The following KIF26B variants were observed in gnomAD, a reference collection of about 807,000 sequenced individuals.
KIF26B encodes kinesin family member 26B, also known as kinesin-like protein KIF26B.
Under a neutral mutation model 151.2 loss-of-function variants are expected in KIF26B, and 63 were observed. That is an observed-to-expected ratio of 0.42 (90% CI 0.34 to 0.51). The LOEUF is 0.51. Among genes scored for constraint, KIF26B ranks in the 20% least tolerant of loss-of-function variants. The pLI is 0.07. For synonymous variants in KIF26B, 1,357 were observed against 1,262.1 expected (o/e 1.08, Z -1.59); for missense variants, 2,813 against 2,913.6 (o/e 0.97, Z 0.79).
At chr1:245,263,183 TG>T (rs151013738) in intron 2 of KIF26B, among the ~76,000 whole-genome samples, 17,391 of 152,246 alleles carry the variant, frequency 0.11, 1,315 homozygotes, top group Non-Finnish European at 0.17. Context: ...TCGTTAGCCC[TG>T]AAGAGTGGAT....
chr1:245,696,929 G>A (rs1336022077), intron 12 of KIF26B, among the ~76,000 whole-genome samples: 4 of 152,120 alleles, frequency 2.6e-5, no homozygotes, highest in African/African-American at 9.7e-5. Context: ...GGCCAACATC[G>A]TGAAACCCTG....
intron 9 of KIF26B, among the ~76,000 whole-genome samples, chr1:245,637,928 G>A (rs1015742207): frequency 1.3e-5 from 2 of 151,952 alleles, no homozygotes; most frequent in Non-Finnish European, 2.9e-5. Flanking sequence ...TTTGAAATCA[G>A]ATAGTATGAT....
intron 3 of KIF26B, among the ~76,000 whole-genome samples, chr1:245,377,638 A>G (rs1203396141): frequency 6.6e-6 from 1 of 152,254 alleles, no homozygotes; most frequent in Non-Finnish European, 1.5e-5. Context: ...AGACAGACAG[A>G]TAACTAGCTA....
intron 2 of KIF26B, among the ~76,000 whole-genome samples, chr1:245,204,002 A>G (rs568867065): frequency 6.6e-6 from 1 of 152,286 alleles, no homozygotes; most frequent in African/African-American, 2.4e-5. Context: ...TCCTAATCAT[A>G]CTCCAGAGGA....
chr1:245,665,838 C>A (rs2044207491), intron 10 of KIF26B, among the ~76,000 whole-genome samples: 1 of 152,046 alleles, frequency 6.6e-6, no homozygotes, highest in Admixed American at 6.6e-5. Flanking sequence ...GCACGCACCA[C>A]CATGCCCAGC....
At chr1:245,368,664 T>A (rs952226473) in intron 3 of KIF26B, among the ~76,000 whole-genome samples, 1 of 152,144 alleles carries the variant, frequency 6.6e-6, no homozygotes, top group African/African-American at 2.4e-5. Flanking sequence ...GGACTCAGAC[T>A]TCTTCCACCA....
rs1237584503 is a variant in KIF26B, at chr1:245,606,663, GACAC to G, written c.1558-981_1558-978del. Among the ~76,000 whole-genome samples the G allele has an allele frequency of 6.6e-6, 1 of 152,146 alleles. No homozygotes were observed. The highest frequency in any genetic ancestry group is 1.5e-5 in the Non-Finnish European group (1 of 68,036). ...GATTTAATAATCAAATTGGAGACCA[GACAC>G]ACACACCCGGCCAAAGAACACCTAA... On this transcript the variant is annotated intron_variant, in intron 6 of 14. Coordinates refer to ENST00000407071, the MANE Select transcript of KIF26B (RefSeq NM_018012.4). The surrounding 1 kb of genome is among the most constrained non-coding windows in gnomAD (Gnocchi z 4.6).
At chr1:245,519,948 G>A (rs1376056297) in intron 4 of KIF26B, among the ~76,000 whole-genome samples, 1 of 152,112 alleles carries the variant, frequency 6.6e-6, no homozygotes, top group Admixed American at 6.5e-5. Flanking sequence ...GTTTAAAATT[G>A]AATTGTTGAA....
intron 2 of KIF26B, among the ~76,000 whole-genome samples, chr1:245,240,047 G>T (rs4658728): frequency 0.37 from 56,400 of 151,632 alleles, 10,888 homozygotes; most frequent in East Asian, 0.62. Flanking sequence ...GCGCACACCT[G>T]TAGTCCCAGT....
At chr1:245,212,341 G>A (rs572107872) in intron 2 of KIF26B, among the ~76,000 whole-genome samples, 40 of 152,260 alleles carry the variant, frequency 2.6e-4, no homozygotes, top group African/African-American at 6.7e-4. Context: ...GGAATTCTGC[G>A]TTCCTGCAGG....
At chr1:245,303,238 G>A (rs575870573) in intron 2 of KIF26B, among the ~76,000 whole-genome samples, 14 of 124,222 alleles carry the variant, frequency 1.1e-4, no homozygotes, top group South Asian at 7.7e-4. Context: ...TCGCTTTGTC[G>A]CCCAGGCCGG....
chr1:245,658,628 G>A (rs965734347), intron 10 of KIF26B, among the ~76,000 whole-genome samples: 5 of 152,146 alleles, frequency 3.3e-5, no homozygotes, highest in African/African-American at 1.2e-4. Context: ...CTGAGCTCAA[G>A]CAATCCTCCT....
At chr1:245,302,686 C>T (rs760684079) in intron 2 of KIF26B, among the ~76,000 whole-genome samples, 10 of 152,004 alleles carry the variant, frequency 6.6e-5, no homozygotes, top group African/African-American at 1.9e-4. Flanking sequence ...TAAGGAAGTA[C>T]GTGGCAATAT....
intron 2 of KIF26B, among the ~76,000 whole-genome samples, chr1:245,291,060 G>C (rs974950962): frequency 6.6e-6 from 1 of 152,170 alleles, no homozygotes; most frequent in Non-Finnish European, 1.5e-5. Context: ...GCTAGCCTGG[G>C]CTTTTTCAAG....
intron 4 of KIF26B, among the ~76,000 whole-genome samples, chr1:245,455,227 C>T (rs190349117): frequency 1.3e-5 from 2 of 152,188 alleles, no homozygotes; most frequent in East Asian, 1.9e-4. Flanking sequence ...TACTACAGGC[C>T]GGGCATGGTG....
intron 4 of KIF26B, among the ~76,000 whole-genome samples, chr1:245,443,668 A>G (rs1463113388): frequency 1.2e-5 from 1 of 82,120 alleles, no homozygotes; most frequent in African/African-American, 4.1e-5. Context: ...CCTAGAGGAG[A>G]GGTCATCTCC....
intron 3 of KIF26B, among the ~76,000 whole-genome samples, chr1:245,418,233 G>A (rs1390409499): frequency 3.3e-5 from 5 of 152,206 alleles, no homozygotes; most frequent in East Asian, 1.9e-4. Context: ...GAGGCTCTGC[G>A]GGCTCTCTGC....
In KIF26B at chr1:245,528,813, T is replaced by C. The variant is rs184273351; in HGVS notation, c.1167-11954T>C. 2.8e-3 allele frequency among the ~76,000 whole-genome samples: 421 copies of C among 152,306 alleles called. 2 individuals are homozygous for C. The highest frequency in any genetic ancestry group is 9.3e-3 in the African/African-American group (388 of 41,554). ...AGAGCAAGTCGCCACCTTCCCGAGG[T>C]CATCCAACTCTCAGAAACAGAACTT... On this transcript the variant is annotated intron_variant, in intron 4 of 14. Coordinates refer to ENST00000407071, the MANE Select transcript of KIF26B (RefSeq NM_018012.4).
Position 245,687,647 on chromosome 1 carries a change from A to G in KIF26B, c.4664A>G (p.Tyr1555Cys), listed in dbSNP as rs1274725239. The G allele has an allele frequency of 3.2e-6, 5 of 1,571,620 alleles. No individual in the cohort carries two copies. The highest frequency in any genetic ancestry group is 1.7e-4 in the Middle Eastern group (1 of 6,016). Residue 1555 changes from tyrosine (Y) to cysteine (C), a missense_variant, in exon 12 of 15, where the codon TAT (tyrosine) becomes TGT (cysteine). Coordinates refer to ENST00000407071, the MANE Select transcript of KIF26B (RefSeq NM_018012.4). This position sits in a 1 kb window ranked among gnomAD's most constrained non-coding sequence, Gnocchi z 4.9. ...CAGGAGGAGCCGGACAGCCTCTCCT[A>G]TTACTGCGCTGCTGAGACCAACGGG... is the stretch of plus-strand genomic sequence containing the variant. ...SRQEEPDSLS[Y>C]YCAAETNGVG...
Sources: gnomAD v4.1 joint callset for allele counts (sites outside exome capture counted in the v4.1 genomes callset) on GRCh38, gnomAD v4.1.1 for gene constraint, Gnocchi (gnomAD v3.1) non-coding constraint, MANE v1.5 for transcripts, NCBI Gene and HGNC (gene_info 2026-07-23, HGNC 2026-07-21) for gene names.